Variants in PTPRQ observed in about 807,000 individuals in gnomAD.
PTPRQ encodes protein tyrosine phosphatase receptor type Q, also known as phosphatidylinositol phosphatase PTPRQ.
PTPRQ carries 199 observed loss-of-function variants against 246.0 expected under a neutral mutation model. The observed-to-expected ratio is 0.81, with a 90% CI of 0.72 to 0.91. The LOEUF (loss-of-function observed/expected upper bound fraction) is 0.91, where lower values mean the gene tolerates loss of function less well. PTPRQ is among the 40% of genes least tolerant of loss of function. The pLI is 0.00. For synonymous variants in PTPRQ, 869 were observed against 853.2 expected (o/e 1.02, Z -0.32); for missense variants, 2,624 against 2,528.4 (o/e 1.04, Z -0.81).
rs561548972 is a variant in PTPRQ, at chr12:80,496,386, A to G, written c.2127A>G (p.Leu709=). 3 of 1,550,582 alleles carry G rather than the reference A, an allele frequency of 1.9e-6. No homozygotes were observed. The African/African-American group carries it at 4.1e-5, about 21-fold the overall frequency. Residue 709 remains leucine, a synonymous_variant, in exon 14 of 45, where the codon TTA becomes TTG. Transcript: ENST00000644991. ...YEVLYKNIDT[L]YMKNTSTTDI... ...TGCTATATAAAAATATAGATACTTT[A>G]TATATGAAGAACACATCAACAACAG...
intron 28 of PTPRQ, among the ~76,000 whole-genome samples, chr12:80,611,239 A>G (rs1235163875): frequency 6.6e-6 from 1 of 150,406 alleles, no homozygotes; most frequent in Non-Finnish European, 1.5e-5. Flanking sequence ...TTGGAAATCA[A>G]CATCCCAGAA....
intron 21 of PTPRQ, 58 bp from the exon 22 acceptor site, chr12:80,542,029 CCT>C (rs1896169262): frequency 1.3e-6 from 2 of 1,505,500 alleles, no homozygotes; most frequent in East Asian, 4.9e-5. Flanking sequence ...ATGATTGAAT[CCT>C]CTTTTTTTAA....
At chr12:80,563,740 G>A (rs960884335) in intron 25 of PTPRQ, among the ~76,000 whole-genome samples, 1 of 152,086 alleles carries the variant, frequency 6.6e-6, no homozygotes, top group African/African-American at 2.4e-5. Flanking sequence ...GAGGAGTAGT[G>A]ATACCTTTTC....
intron 38 of PTPRQ, among the ~76,000 whole-genome samples, chr12:80,653,052 T>C (rs973644000): frequency 1.3e-5 from 2 of 152,186 alleles, no homozygotes; most frequent in Non-Finnish European, 2.9e-5. Context: ...AGTTCACTTA[T>C]GCAGGTGCAA....
chr12:80,551,722 T>G (rs761266505), intron 25 of PTPRQ, among the ~76,000 whole-genome samples: 5 of 152,134 alleles, frequency 3.3e-5, no homozygotes, highest in Non-Finnish European at 7.4e-5. Flanking sequence ...TTGGCTTCTC[T>G]CTAGCTTTTT....
intron 39 of PTPRQ, 24 bp from the exon 40 acceptor site, chr12:80,668,982 AG>A (rs1483804939): frequency 8.4e-6 from 13 of 1,539,672 alleles, no homozygotes; most frequent in Non-Finnish European, 1.1e-5. Context: ...ACAGTGATGC[AG>A]TGTTTGTAAT....
chr12:80,651,104 G>A (rs1234195771), intron 37 of PTPRQ, among the ~76,000 whole-genome samples: 1 of 151,930 alleles, frequency 6.6e-6, no homozygotes, highest in African/African-American at 2.4e-5. Flanking sequence ...GTGACTTTGG[G>A]CAAATTTCTT....
intron 26 of PTPRQ, among the ~76,000 whole-genome samples, chr12:80,601,474 A>T (rs117544071): frequency 0.021 from 3,246 of 151,978 alleles, 38 homozygotes; most frequent in Middle Eastern, 0.051. Context: ...CACTTAATAA[A>T]TATTTATTCA....
chr12:80,444,319 T>C lies in PTPRQ; in HGVS notation c.-27T>C, dbSNP rs1204297461. 8.1e-7 allele frequency: 1 copy of C among 1,242,028 alleles called. No homozygotes were observed. Among genetic ancestry groups the C allele is most frequent in the African/African-American group, 1.5e-5 (1 of 65,688 alleles). 76.9% of individuals were successfully genotyped at this position (1,242,028 alleles called of 1,614,324 possible). ...TTTCTCTCTAGAGCCATCAATGTGA[T>C]TCTACTGGCTGAAAAATGTAATAAA... On this transcript the variant is annotated 5_prime_UTR_variant, in exon 1 of 45. Transcript: ENST00000644991.
At chr12:80,445,297 T>G (rs1892517751) in intron 2 of PTPRQ, among the ~76,000 whole-genome samples, 194 bp from the exon 3 acceptor site, 1 of 151,984 alleles carries the variant, frequency 6.6e-6, no homozygotes. Context: ...ATTCCATTTT[T>G]CACATTCTTA....
Position 80,513,408 on chromosome 12 carries a change from C to A in PTPRQ, c.2678+2965C>A, listed in dbSNP as rs188272835. On this transcript the variant is annotated intron_variant, in intron 17 of 44. Transcript: ENST00000644991. Reference sequence around the variant, plus strand: ...CGTCTGTCAGTGTGTGCTGTTAGGCCGCTGCATTCCTCTCGATGTCCAGCC... The same window carrying A: ...CGTCTGTCAGTGTGTGCTGTTAGGCAGCTGCATTCCTCTCGATGTCCAGCC... Among the ~76,000 whole-genome samples the A allele has an allele frequency of 2.3e-3, 344 of 152,220 alleles. 2 individuals carry two copies. The highest frequency in any genetic ancestry group is 7.5e-3 in the African/African-American group (312 of 41,534).
intron 6 of PTPRQ, among the ~76,000 whole-genome samples, chr12:80,463,438 A>G (rs892742253): frequency 6.6e-6 from 1 of 152,214 alleles, no homozygotes; most frequent in Non-Finnish European, 1.5e-5. Flanking sequence ...GTTGGAAAAC[A>G]CTCTGCAGGA....
At position 80,457,581 on chromosome 12, in the gene PTPRQ, G is replaced by T; in HGVS notation, c.397G>T (p.Ala133Ser). The change falls in exon 4 of 45, where the codon GCT (alanine) becomes TCT (serine). Residue 133 changes from alanine (A) to serine (S), a missense_variant. Physicochemically the swap from Ala to Ser is moderately conservative, Grantham distance 99. Transcript: ENST00000644991. ...PGTTYEIKVAAENSAGIGVFS... is the reference protein window; with the variant it reads ...PGTTYEIKVASENSAGIGVFS... Reference sequence around the variant, plus strand: ...TCCTTTTGGTCTGTTCTAGGTTGCTGCTGAAAACAGTGCTGGCATTGGAGT... The same window carrying T: ...TCCTTTTGGTCTGTTCTAGGTTGCTTCTGAAAACAGTGCTGGCATTGGAGT... The T allele has an allele frequency of 2.5e-6, 1 of 400,208 alleles. No individual in the cohort carries two copies. 24.8% of individuals were successfully genotyped at this position (400,208 alleles called of 1,614,324 possible). A position where few individuals can be genotyped will look rare whatever the true frequency, so the allele number is the denominator to read the frequency against.
intron 25 of PTPRQ, among the ~76,000 whole-genome samples, chr12:80,556,563 A>C (rs544524803): frequency 1.3e-5 from 2 of 152,202 alleles, no homozygotes; most frequent in South Asian, 4.1e-4. Flanking sequence ...TAGATCAATA[A>C]AAGTCAGGTT....
chr12:80,476,323 G>A (rs1161567607), intron 8 of PTPRQ, among the ~76,000 whole-genome samples: 1 of 152,046 alleles, frequency 6.6e-6, no homozygotes, highest in Admixed American at 6.5e-5. Context: ...TGAGCTCTAG[G>A]TACAATATAT....
intron 29 of PTPRQ, 112 bp from the exon 30 acceptor site, chr12:80,616,088 T>G: frequency 1.9e-6 from 1 of 533,358 alleles, no homozygotes; most frequent in Non-Finnish European, 2.6e-6. Flanking sequence ...TTTATATATA[T>G]ATATATAACT....
At chr12:80,505,923 G>GTAATACACTT (rs1894942690) in intron 14 of PTPRQ, 101 bp from the exon 15 acceptor site, 1 of 1,253,068 alleles carries the variant, frequency 8.0e-7, no homozygotes, top group East Asian at 2.8e-5. Flanking sequence ...TTCTAGTGAA[G>GTAATACACTT]GTTCAATTGT....
chr12:80,648,113 A>G (rs1395916737), intron 35 of PTPRQ, among the ~76,000 whole-genome samples: 1 of 152,026 alleles, frequency 6.6e-6, no homozygotes, highest in African/African-American at 2.4e-5. Context: ...CAAAAAACAT[A>G]TCTTCTTACA....
intron 3 of PTPRQ, among the ~76,000 whole-genome samples, chr12:80,447,358 C>G (rs1892585102): frequency 6.6e-6 from 1 of 152,002 alleles, no homozygotes; most frequent in African/African-American, 2.4e-5. Context: ...TCTGTTTACT[C>G]TGTTAATTAT....
Sources: allele counts gnomAD v4.1 joint callset (sites outside exome capture counted in the v4.1 genomes callset), GRCh38; gene constraint gnomAD v4.1.1; transcripts MANE v1.5; gene names NCBI Gene and HGNC (gene_info 2026-07-23, HGNC 2026-07-21).